The following ATRNL1 variants were observed in gnomAD, a reference collection of about 807,000 sequenced individuals.
ATRNL1 encodes the protein attractin-like protein 1.
A neutral mutation model predicts 182.7 loss-of-function variants in ATRNL1; 95 were observed. The ratio of observed to expected loss-of-function variants is 0.52; its 90% CI spans 0.44 to 0.62. The LOEUF (loss-of-function observed/expected upper bound fraction) is 0.62. Ranked by LOEUF, ATRNL1 falls within the 20% of genes least tolerant of loss-of-function variation. ATRNL1 has a pLI of 0.00. For synonymous variants in ATRNL1, 576 were observed against 568.3 expected, an observed-to-expected ratio of 1.01 and a Z score of -0.19; for missense variants, 1,471 against 1,679.5, an observed-to-expected ratio of 0.88 and a Z score of 2.17.
chr10:115,468,187 A>C (rs1324340608), intron 23 of ATRNL1, among the ~76,000 whole-genome samples: 1 of 150,736 alleles, frequency 6.6e-6, no homozygotes, highest in Non-Finnish European at 1.5e-5. Context: ...TCATTAAGGA[A>C]AAATTCGTAA....
chr10:115,729,732 A>G (rs552710050), intron 27 of ATRNL1, among the ~76,000 whole-genome samples: 2 of 152,062 alleles, frequency 1.3e-5, no homozygotes, highest in Non-Finnish European at 2.9e-5. Context: ...GCCCATCTCA[A>G]ATAAAATTAA....
At chr10:115,266,634 A>G (rs371594680) in intron 11 of ATRNL1, among the ~76,000 whole-genome samples, 163 bp from the exon 12 acceptor site, 5 of 151,882 alleles carry the variant, frequency 3.3e-5, no homozygotes, top group East Asian at 1.9e-4. Context: ...GTGTTTTTAT[A>G]TCATATTGTA....
At position 115,868,822 on chromosome 10, in the gene ATRNL1, C is replaced by CTTTTTTTTT. The variant is rs67676674; in HGVS notation, c.4018+20848_4018+20856dup. ...ATATATCTGGTGGCAAGTCTTTATT[C>CTTTTTTTTT]TTTTTTTTTTTTTTTTTTTTTTTTT... is the stretch of plus-strand genomic sequence containing the variant. On this transcript the variant is annotated intron_variant, in intron 28 of 28. Coordinates refer to ENST00000355044, the MANE Select transcript of ATRNL1 (RefSeq NM_207303.4). 5.4e-3 allele frequency among the ~76,000 whole-genome samples: 311 copies of CTTTTTTTTT among 58,078 alleles called. 72 individuals carry two copies. The highest frequency in any genetic ancestry group is 7.4e-3 in the Non-Finnish European group (234 of 31,524). 38.1% of individuals were successfully genotyped at this position (58,078 alleles called of 152,430 possible). A position where few individuals can be genotyped will look rare whatever the true frequency, so the allele number is the denominator to read the frequency against.
rs1555125103 is a variant in ATRNL1, at chr10:115,944,762, C to T, written c.4123C>T (p.Gln1375Ter). ...VRNRKHLSTR[Q>*]GTCV ...GAATCGAAAACACCTTTCAACACGT[C>T]AAGGAACTTGTGTCTGAGAAATGGA... Residue 1375 changes from glutamine to a stop codon, truncating the protein, a stop_gained, in exon 29 of 29, where the codon CAA (glutamine) becomes TAA (stop). Coordinates refer to ENST00000355044, the MANE Select transcript of ATRNL1 (RefSeq NM_207303.4). LOFTEE classifies it high-confidence loss of function. The T allele has an allele frequency of 1.2e-6, 2 of 1,613,438 alleles. No homozygotes were observed. Among genetic ancestry groups the T allele is most frequent in the Non-Finnish European group, 8.5e-7 (1 of 1,179,588 alleles).
chr10:115,144,187 GC>G, intron 5 of ATRNL1, among the ~76,000 whole-genome samples: 1 of 151,474 alleles, frequency 6.6e-6, no homozygotes, highest in East Asian at 2.0e-4. Flanking sequence ...TCATGCTGTC[GC>G]CCAGGCTGGA....
At chr10:115,830,703 A>G (rs905344845) in intron 27 of ATRNL1, among the ~76,000 whole-genome samples, 4 of 152,188 alleles carry the variant, frequency 2.6e-5, no homozygotes, top group Non-Finnish European at 4.4e-5. Context: ...ATGGAACCAC[A>G]AGCATTTGGC....
chr10:115,738,125 G>GTTTTTTTTTTGTTTTTTTTGTTT (rs1565334914), intron 27 of ATRNL1, among the ~76,000 whole-genome samples: 1 of 53,150 alleles, frequency 1.9e-5, no homozygotes, highest in African/African-American at 5.7e-5. Context: ...AGAAGATAAT[G>GTTTTTTTTTTGTTTTTTTTGTTT]ATTTTTTTTT....
intron 27 of ATRNL1, among the ~76,000 whole-genome samples, chr10:115,765,608 T>C (rs1555074821): frequency 6.6e-6 from 1 of 152,232 alleles, no homozygotes. Flanking sequence ...CTCTCTTACA[T>C]TGTCTTTCAC....
chr10:115,788,382 T>TTTCTCTTTATAAAGCC (rs139550549), intron 27 of ATRNL1, among the ~76,000 whole-genome samples: 1 of 152,158 alleles, frequency 6.6e-6, no homozygotes, highest in East Asian at 1.9e-4. Flanking sequence ...TCTGTAAACA[T>TTTCTCTTTATAAAGCC]TCATATTTCT....
chr10:115,194,161 T>C (rs1848269325), intron 8 of ATRNL1, among the ~76,000 whole-genome samples: 1 of 152,054 alleles, frequency 6.6e-6, no homozygotes, highest in Non-Finnish European at 1.5e-5. Context: ...AGGAGAAGAA[T>C]GTGTATTGTG....
At chr10:115,111,961 G>A (rs1844273980) in intron 1 of ATRNL1, among the ~76,000 whole-genome samples, 1 of 152,000 alleles carries the variant, frequency 6.6e-6, no homozygotes, top group African/African-American at 2.4e-5. Context: ...ATAGTAGTCA[G>A]AATGCATTTC....
intron 19 of ATRNL1, among the ~76,000 whole-genome samples, chr10:115,376,575 T>A (rs1857683821): frequency 6.6e-6 from 1 of 152,178 alleles, no homozygotes; most frequent in Non-Finnish European, 1.5e-5. Context: ...CCCAGACTGA[T>A]CTTGAACTCC....
rs116309687 is a variant in ATRNL1, at chr10:115,595,077, A to G, written c.3795+45541A>G. Among the ~76,000 whole-genome samples the G allele has an allele frequency of 2.1e-3, 318 of 152,326 alleles. 3 individuals carry two copies. Among genetic ancestry groups the G allele is most frequent in the African/African-American group, 7.3e-3 (303 of 41,568 alleles). On this transcript the variant is annotated intron_variant, in intron 26 of 28. Transcript: ENST00000355044. ...CATCCATAAACATTCATGTAAATCA[A>G]TAGAAACTTGCTGGCACCACAGAAG...
chr10:115,709,560 T>G (rs1947002072), intron 26 of ATRNL1, among the ~76,000 whole-genome samples: 1 of 151,740 alleles, frequency 6.6e-6, no homozygotes, highest in Non-Finnish European at 1.5e-5. Context: ...TTTATGGGAT[T>G]CAGAGATGAG....
intron 28 of ATRNL1, among the ~76,000 whole-genome samples, chr10:115,883,705 G>A (rs1951879685): frequency 6.6e-6 from 1 of 152,218 alleles, no homozygotes; most frequent in Non-Finnish European, 1.5e-5. Context: ...GTCAGGAGGA[G>A]AGTTATATTT....
chr10:115,435,045 T>G (rs965037552), intron 21 of ATRNL1, among the ~76,000 whole-genome samples: 44 of 151,034 alleles, frequency 2.9e-4, no homozygotes, highest in South Asian at 8.5e-4. Context: ...TTTTTTTTTT[T>G]TTTGTGACGG....
At chr10:115,299,095 A>G (rs1212902401) in intron 15 of ATRNL1, among the ~76,000 whole-genome samples, 1 of 151,948 alleles carries the variant, frequency 6.6e-6, no homozygotes, top group Non-Finnish European at 1.5e-5. Flanking sequence ...TTAAAAAAAA[A>G]GAACAATGTG....
At chr10:115,103,189 C>G (rs1554865048) in intron 1 of ATRNL1, among the ~76,000 whole-genome samples, 4 of 151,936 alleles carry the variant, frequency 2.6e-5, no homozygotes, top group African/African-American at 9.7e-5. Context: ...GGGCGCCCAT[C>G]ATCACGCCTG....
chr10:115,374,487 T>TC (rs1396890805), intron 19 of ATRNL1, among the ~76,000 whole-genome samples: 1,752 of 149,814 alleles, frequency 0.012, 33 homozygotes, highest in African/African-American at 0.04. Context: ...CTTCCTTCCT[T>TC]CTTTCCTTCC....
Sources: gnomAD v4.1 joint callset for allele counts (sites outside exome capture counted in the v4.1 genomes callset) on GRCh38, gnomAD v4.1.1 for gene constraint, MANE v1.5 for transcripts, NCBI Gene and HGNC (gene_info 2026-07-23, HGNC 2026-07-21) for gene names.